CFAP69: variants seen among roughly 807,000 people sequenced by gnomAD.
CFAP69 encodes the protein cilia and flagella associated protein 69.
Under a neutral mutation model 123.0 loss-of-function variants are expected in CFAP69, and 92 were observed. The observed-to-expected ratio is 0.75, with a 90% CI of 0.63 to 0.89. The LOEUF (loss-of-function observed/expected upper bound fraction) is 0.89, where lower values mean the gene tolerates loss of function less well. CFAP69 is among the 40% of genes least tolerant of loss of function. CFAP69 has a pLI of 0.00. For synonymous variants in CFAP69, 380 were observed against 364.3 expected, an observed-to-expected ratio of 1.04 and a Z score of -0.49; for missense variants, 1,067 against 1,096.9, an observed-to-expected ratio of 0.97 and a Z score of 0.39.
chr7:90,252,644 C>T (rs1346321087), intron 1 of CFAP69, among the ~76,000 whole-genome samples: 1 of 152,040 alleles, frequency 6.6e-6, no homozygotes, highest in Non-Finnish European at 1.5e-5. Context: ...TGCACTCCAG[C>T]CTGAGCAACA....
At chr7:90,284,070 G>A (rs981127670) in intron 13 of CFAP69, among the ~76,000 whole-genome samples, 18 of 152,080 alleles carry the variant, frequency 1.2e-4, no homozygotes, top group East Asian at 3.9e-4. Flanking sequence ...TCCAGGAAAC[G>A]TAATCTTTCA....
chr7:90,321,166 G>T, the CFAP69 span: 1 of 152,398 alleles, frequency 6.6e-6, no homozygotes, highest in Admixed American at 6.5e-5. Context: ...CACCCCGAGC[G>T]CTCACCGGGC....
chr7:90,309,453 G>T (rs932897101), intron 22 of CFAP69, 86 bp downstream of exon 22: 102 of 654,942 alleles, frequency 1.6e-4, no homozygotes, highest in Non-Finnish European at 6.2e-5. Context: ...GAAAACCATT[G>T]AATTTTACCC....
chr7:90,305,943 CTTTTT>C (rs11340254), intron 19 of CFAP69, among the ~76,000 whole-genome samples: 1 of 129,608 alleles, frequency 7.7e-6, no homozygotes, highest in Non-Finnish European at 1.6e-5. Context: ...TTCTTTCCTT[CTTTTT>C]TTTTTTTTTT....
At chr7:90,322,007 C>T in the CFAP69 span, among the ~76,000 whole-genome samples, 2 of 152,150 alleles carry the variant, frequency 1.3e-5, no homozygotes, top group African/African-American at 4.8e-5. Context: ...GGCAGGCCAC[C>T]CTTCTCACAG....
intron 3 of CFAP69, 144 bp downstream of exon 3, chr7:90,258,307 A>G (rs901668582): frequency 4.7e-6 from 3 of 641,744 alleles, no homozygotes; most frequent in Non-Finnish European, 7.6e-6. Context: ...ATTATCATAC[A>G]GTTTTGGAGG....
intron 17 of CFAP69, chr7:90,303,412 T>A (rs1026218104): frequency 3.9e-6 from 1 of 256,908 alleles, no homozygotes; most frequent in African/African-American, 2.3e-5. Context: ...TGCTTCCAGC[T>A]TTTCTCCATT....
Position 90,286,376 on chromosome 7 carries a change from T to G in CFAP69, c.1633T>G (p.Cys545Gly), listed in dbSNP as rs955568672. The change falls in exon 14 of 23, where the codon TGT (cysteine) becomes GGT (glycine). Residue 545 changes from cysteine (C) to glycine (G), a missense_variant. Physicochemically the swap from Cys to Gly is radical, Grantham distance 159 (BLOSUM62 -3). Coordinates refer to ENST00000389297, the MANE Select transcript of CFAP69 (RefSeq NM_001039706.3). ...SDILLILSGL[C>G]ENHIQRKEIF... The stretch of plus-strand genomic sequence containing the variant: ...TATATTACTTATCCTATCTGGCCTT[T>G]GTGAGAATCACATTCAAAGGAAGGT... The G allele has an allele frequency of 1.2e-6, 2 of 1,612,108 alleles. No individual in the cohort carries two copies. The highest frequency in any genetic ancestry group is 4.5e-5 in the East Asian group (2 of 44,744).
chr7:90,270,821 G>T (rs964866721), intron 6 of CFAP69, among the ~76,000 whole-genome samples: 1 of 152,116 alleles, frequency 6.6e-6, no homozygotes, highest in African/African-American at 2.4e-5. Context: ...AGGTATACCT[G>T]CATCAAAAGG....
chr7:90,288,337 C>T lies in CFAP69; in HGVS notation c.1760C>T (p.Thr587Ile), dbSNP rs762786791. Residue 587 changes from threonine (T) to isoleucine (I), a missense_variant, in exon 15 of 23, where the codon ACA becomes ATA. Transcript: ENST00000389297. The stretch of plus-strand genomic sequence containing the variant: ...GGCTATAATGTACTTCTTTTTAGTA[C>T]ATTGGACAGCATTTGGTGAGTATTG... ...GLGYNVLLFSTLDSIWCCILG... is the reference protein window; with the variant it reads ...GLGYNVLLFSILDSIWCCILG... 18 of 1,610,166 alleles carry T rather than the reference C, an allele frequency of 1.1e-5. No individual in the cohort carries two copies. The highest frequency in any genetic ancestry group is 2.2e-5 in the East Asian group (1 of 44,736).
At chr7:90,272,555 A>G (rs1045203043) in intron 8 of CFAP69, among the ~76,000 whole-genome samples, 1 of 152,170 alleles carries the variant, frequency 6.6e-6, no homozygotes, top group Non-Finnish European at 1.5e-5. Flanking sequence ...CAGTCAGCAC[A>G]TTTTTGTTTG....
downstream of CFAP69, among the ~76,000 whole-genome samples, chr7:90,314,661 TACCATCCTTGCAACTTCTCTGCAAA>T (rs1794612762): frequency 6.6e-6 from 1 of 150,722 alleles, no homozygotes; most frequent in African/African-American, 2.4e-5. Context: ...AGGAACTCTG[TACCATCCTTGCAACTTCTCTGCAAA>T]TTTAAAACTT....
chr7:90,305,463 G>A (rs1157786429), intron 19 of CFAP69, among the ~76,000 whole-genome samples: 3 of 150,920 alleles, frequency 2.0e-5, no homozygotes, highest in Non-Finnish European at 2.9e-5. Flanking sequence ...CATGATCTTG[G>A]CTCAATGCAA....
In CFAP69 at chr7:90,299,741, G is replaced by C. The variant is rs1792494386; in HGVS notation, c.1858-126G>C. On this transcript the variant is annotated intron_variant, in intron 16 of 22. Transcript: ENST00000389297. ...ACAATGGGTGTCCATTTTAACAGGA[G>C]ATTTTCCTGACTCTGAGTTTAGAAG... 3 of 745,524 alleles carry C rather than the reference G, an allele frequency of 4.0e-6. No individual in the cohort carries two copies. In the South Asian group the frequency reaches 6.6e-5, roughly 16 times the overall value. The allele number at this position is 745,524 out of a possible 1,614,324, so 46.2% of individuals were successfully genotyped here.
In CFAP69 at chr7:90,308,461, C is replaced by A. The variant is rs529222723; in HGVS notation, c.2550+607C>A. ...TTTCCCCACCCTTTTCCATTAATAT[C>A]TTGGATACACTTTTTAAAAAATCTC... On this transcript the variant is annotated intron_variant, in intron 21 of 22. Transcript: ENST00000389297. Among the ~76,000 whole-genome samples the A allele has an allele frequency of 3.3e-5, 5 of 152,234 alleles. No homozygotes were observed. In the East Asian group the frequency reaches 9.6e-4, roughly 29 times the overall value.
chr7:90,289,248 G>A (rs1241439350), intron 15 of CFAP69, among the ~76,000 whole-genome samples: 1 of 152,000 alleles, frequency 6.6e-6, no homozygotes, highest in African/African-American at 2.4e-5. Context: ...ATTTTCCAAA[G>A]TACTTACATC....
chr7:90,263,307 C>T (rs1346647173), intron 4 of CFAP69, among the ~76,000 whole-genome samples: 1 of 152,140 alleles, frequency 6.6e-6, no homozygotes, highest in African/African-American at 2.4e-5. Context: ...GATAACTTCT[C>T]TATGCCTCAC....
intron 1 of CFAP69, among the ~76,000 whole-genome samples, chr7:90,247,627 C>T (rs1478489852): frequency 6.6e-6 from 1 of 152,118 alleles, no homozygotes; most frequent in East Asian, 1.9e-4. Context: ...GAGGGCAGAT[C>T]ACGAGTTCAG....
At chr7:90,297,160 T>C (rs1792108584) in intron 15 of CFAP69, among the ~76,000 whole-genome samples, 1 of 152,162 alleles carries the variant, frequency 6.6e-6, no homozygotes, top group Non-Finnish European at 1.5e-5. Flanking sequence ...CAGAGTCAAG[T>C]TGGAATTTGG....
Sources: allele counts gnomAD v4.1 joint callset (sites outside exome capture counted in the v4.1 genomes callset), GRCh38; gene constraint gnomAD v4.1.1; transcripts MANE v1.5; gene names NCBI Gene and HGNC (gene_info 2026-07-23, HGNC 2026-07-21).